Variants in DBNL observed in about 807,000 individuals in gnomAD.
DBNL encodes the protein drebrin like, also known as drebrin-like protein.
Under a neutral mutation model 62.2 loss-of-function variants are expected in DBNL, and 35 were observed. The ratio of observed to expected loss-of-function variants is 0.56; its 90% CI spans 0.43 to 0.75. DBNL has a LOEUF of 0.75. DBNL is among the 30% of genes least tolerant of loss of function. DBNL has a pLI of 0.00. For synonymous variants in DBNL, 197 were observed against 218.0 expected, an observed-to-expected ratio of 0.90 and a Z score of 0.85; for missense variants, 495 against 578.4, an observed-to-expected ratio of 0.86 and a Z score of 1.48.
Position 44,064,893 on chromosome 7 carries a change from GC to G in DBNL, c.*3979del, listed in dbSNP as rs747947171. On this transcript the variant is annotated 3_prime_UTR_variant, in exon 13 of 13. Coordinates refer to ENST00000448521, the MANE Select transcript of DBNL (RefSeq NM_001014436.3). ...CGTGGGCTGCAATGAGCACTCGCTT[GC>G]CGGCCTTGATCTGGGGAACAATCTC... is the stretch of plus-strand genomic sequence containing the variant. 61 of 1,604,146 alleles carry G rather than the reference GC, an allele frequency of 3.8e-5. No individual in the cohort carries two copies. Among genetic ancestry groups the G allele is most frequent in the Middle Eastern group, 3.3e-4 (2 of 5,998 alleles).
chr7:44,047,541 G>A (rs1229802941), intron 1 of DBNL, among the ~76,000 whole-genome samples: 1 of 152,186 alleles, frequency 6.6e-6, no homozygotes, highest in Non-Finnish European at 1.5e-5. Flanking sequence ...CTAATAGTAC[G>A]TTAGTGTTAG....
rs1585999980 is a variant in DBNL at position 44,063,082 on chromosome 7, G to A, written c.*2166G>A. ...ACGAGGCCACAGAAATGTTGCCAAA[G>A]GTCAAGGAGTAACTGAGTTAGACCA... On this transcript the variant is annotated 3_prime_UTR_variant, in exon 13 of 13. Transcript: ENST00000448521. 4.9e-6 allele frequency: 4 copies of A among 811,716 alleles called. No homozygotes were observed. The East Asian group carries it at 1.1e-4, about 22-fold the overall frequency. 50.3% of individuals were successfully genotyped at this position (811,716 alleles called of 1,614,324 possible).
Position 44,044,760 on chromosome 7 carries a change from A to G in DBNL, c.23A>G (p.Asn8Ser). 6.6e-7 allele frequency: 1 copy of G among 1,509,112 alleles called. No homozygotes were observed. The highest frequency in any genetic ancestry group is 8.8e-7 in the Non-Finnish European group (1 of 1,129,998). 93.5% of individuals were successfully genotyped at this position (1,509,112 alleles called of 1,614,324 possible). A position where few individuals can be genotyped will look rare whatever the true frequency, so the allele number is the denominator to read the frequency against. Reference protein sequence around the residue: MAANLSRNGPALQEAYVR... With the variant: MAANLSRSGPALQEAYVR... The stretch of plus-strand genomic sequence containing the variant: ...GCCATGGCGGCGAACCTGAGCCGGA[A>G]CGGGCCAGCGCTGCAAGAGGCCTAC... Residue 8 changes from asparagine (N) to serine (S), a missense_variant, in exon 1 of 13, where the codon AAC becomes AGC. Physicochemically the swap from Asn to Ser is conservative, Grantham distance 46 (BLOSUM62 1). Coordinates refer to ENST00000448521, the MANE Select transcript of DBNL (RefSeq NM_001014436.3).
intron 2 of DBNL, chr7:44,050,509 A>T: frequency 2.3e-6 from 1 of 439,252 alleles, no homozygotes; most frequent in Middle Eastern, 6.9e-4. Context: ...ACTTGGGGAG[A>T]GCTGAGAGGG....
chr7:44,052,323 T>C (rs1200233958), intron 3 of DBNL, among the ~76,000 whole-genome samples: 1 of 151,970 alleles, frequency 6.6e-6, no homozygotes, highest in East Asian at 1.9e-4. Flanking sequence ...AAGAAAACTC[T>C]TGAAGGCTGG....
chr7:44,063,273 TTTC>T lies in DBNL; in HGVS notation c.*2360_*2362del. 2 of 333,810 alleles carry T rather than the reference TTTC, an allele frequency of 6.0e-6. No homozygotes were observed. The highest frequency in any genetic ancestry group is 1.1e-5 in the Non-Finnish European group (2 of 176,290). The allele number at this position is 333,810 out of a possible 1,614,324, so 20.7% of individuals were successfully genotyped here. On this transcript the variant is annotated 3_prime_UTR_variant, in exon 13 of 13. Transcript: ENST00000448521. ...GGACACTCACCCTTTGTTTTTTTTT[TTTC>T]TTTTCTTTTTCTTTTTCTTTTTTTT...
At chr7:44,058,651 C>A in intron 8 of DBNL, 171 bp downstream of exon 8, 1 of 977,648 alleles carries the variant, frequency 1.0e-6, no homozygotes, top group Non-Finnish European at 1.5e-6. Flanking sequence ...AAGCCAAAGG[C>A]GGAAGCGTCG....
chr7:44,050,082 A>C, intron 1 of DBNL, 143 bp from the exon 2 acceptor site: 1 of 853,826 alleles, frequency 1.2e-6, no homozygotes, highest in East Asian at 2.8e-5. Flanking sequence ...GGGTCAGAGC[A>C]AAGTGAGAAC....
intron 1 of DBNL, 165 bp downstream of exon 1, chr7:44,044,985 C>A: frequency 3.3e-6 from 2 of 599,602 alleles, no homozygotes; most frequent in South Asian, 2.9e-5. Flanking sequence ...AGCAGGAGTG[C>A]TGTCTCACCC....
Position 44,067,688 on chromosome 7 carries a change from G to A in DBNL, c.*6772G>A, listed in dbSNP as rs1483865732. The stretch of plus-strand genomic sequence containing the variant: ...CACCCTCAGGGCCTCCATCCAGGAA[G>A]GCATAGCATGGTGGGCGGCGAGGAA... On this transcript the variant is annotated 3_prime_UTR_variant, in exon 13 of 13. Transcript: ENST00000448521. The A allele has an allele frequency of 6.6e-6, 1 of 152,338 alleles. No homozygotes were observed. Among genetic ancestry groups the A allele is most frequent in the Admixed American group, 6.5e-5 (1 of 15,278 alleles). 9.4% of individuals were successfully genotyped at this position (152,338 alleles called of 1,614,324 possible). A position where few individuals can be genotyped will look rare whatever the true frequency, so the allele number is the denominator to read the frequency against.
In DBNL at chr7:44,057,790, G is replaced by A; in HGVS notation, c.483G>A (p.Val161=). The A allele has an allele frequency of 1.2e-6, 2 of 1,614,208 alleles. No individual in the cohort carries two copies. The highest frequency in any genetic ancestry group is 1.7e-6 in the Non-Finnish European group (2 of 1,180,028). ...DVGPQAPVGS[V]YQKTNAVSEI... ...AGTGCTGTCCCCTACAGGGCTCTGT[G>A]TACCAGAAGACCAATGCCGTGTCTG... The change falls in exon 6 of 13, where the codon GTG becomes GTA. Residue 161 remains valine, a synonymous_variant. Coordinates refer to ENST00000448521, the MANE Select transcript of DBNL (RefSeq NM_001014436.3).
chr7:44,044,963 C>G, intron 1 of DBNL, 143 bp downstream of exon 1: 2 of 702,432 alleles, frequency 2.8e-6, no homozygotes, highest in Non-Finnish European at 4.3e-6. Flanking sequence ...CCTGTCTGCC[C>G]CTCCACACCG....
rs902075213 is a variant in DBNL, at chr7:44,061,052, G to A, written c.*136G>A. The A allele has an allele frequency of 5.8e-5, 72 of 1,248,860 alleles. No individual in the cohort carries two copies. Among genetic ancestry groups the A allele is most frequent in the Middle Eastern group, 2.6e-4 (1 of 3,900 alleles). The allele number at this position is 1,248,860 out of a possible 1,614,324, so 77.4% of individuals were successfully genotyped here. ...AGGATGAGGCCTCAGGGCTCCCTCC[G>A]GCTTGGCAGACTCAGCCTGTCACCC... On this transcript the variant is annotated 3_prime_UTR_variant, in exon 13 of 13. Coordinates refer to ENST00000448521, the MANE Select transcript of DBNL (RefSeq NM_001014436.3).
chr7:44,055,439 C>G (rs749049013), intron 4 of DBNL, among the ~76,000 whole-genome samples: 8 of 152,164 alleles, frequency 5.3e-5, no homozygotes, highest in African/African-American at 9.7e-5. Context: ...GCACTCCAGC[C>G]TGGGCAACAG....
Position 44,058,222 on chromosome 7 carries a change from G to A in DBNL, c.646G>A (p.Glu216Lys), listed in dbSNP as rs1418740333. ...GGAGCGCCGGGAGCGTGAGCTGCGT[G>A]AGGCTGCACGCCGGGAGCAGCGCTA... ...EQERRERELREAARREQRYQE... is the reference protein window; with the variant it reads ...EQERRERELRKAARREQRYQE... Residue 216 changes from glutamate (E) to lysine (K), a missense_variant, in exon 7 of 13, where the codon GAG (glutamate) becomes AAG (lysine). Transcript: ENST00000448521. 2 of 1,572,312 alleles carry A rather than the reference G, an allele frequency of 1.3e-6. No homozygotes were observed. Among genetic ancestry groups the A allele is most frequent in the South Asian group, 2.3e-5 (2 of 85,952 alleles).
rs1168541724 is a variant in DBNL at position 44,067,476 on chromosome 7, AC to A, written c.*6562del. 1.3e-5 allele frequency: 2 copies of A among 152,190 alleles called. No homozygotes were observed. The highest frequency in any genetic ancestry group is 3.9e-4 in the East Asian group (2 of 5,192). The allele number at this position is 152,190 out of a possible 1,614,324, so 9.4% of individuals were successfully genotyped here. ...CCAGACCTGGGAGACCTCACTGCCA[AC>A]CAAGCAGGAGGTGTCAAAAAGGAAA... On this transcript the variant is annotated 3_prime_UTR_variant, in exon 13 of 13. Transcript: ENST00000448521.
chr7:44,063,357 T>C lies in DBNL; in HGVS notation c.*2441T>C, dbSNP rs11768100. Reference sequence around the variant, plus strand: ...TGGAGTGCAGTGGCACGATCTTGGCTCACTGCAACCTCCATCTCCTGGGTT... The same window carrying C: ...TGGAGTGCAGTGGCACGATCTTGGCCCACTGCAACCTCCATCTCCTGGGTT... On this transcript the variant is annotated 3_prime_UTR_variant, in exon 13 of 13. Coordinates refer to ENST00000448521, the MANE Select transcript of DBNL (RefSeq NM_001014436.3). 0.17 allele frequency: 43,341 copies of C among 261,218 alleles called. 4,073 individuals carry two copies. Among genetic ancestry groups the C allele is most frequent in the African/African-American group, 0.24 (10,948 of 44,792 alleles). The allele number at this position is 261,218 out of a possible 1,614,324, so 16.2% of individuals were successfully genotyped here. A position where few individuals can be genotyped will look rare whatever the true frequency, so the allele number is the denominator to read the frequency against.
Position 44,059,925 on chromosome 7 carries a change from C to A in DBNL, c.1048-123C>A, listed in dbSNP as rs936304735. On this transcript the variant is annotated intron_variant, in intron 11 of 12. Coordinates refer to ENST00000448521, the MANE Select transcript of DBNL (RefSeq NM_001014436.3). This position sits in a 1 kb window ranked among gnomAD's most constrained non-coding sequence, Gnocchi z 4.1. ...TAGGGCGGGGACAGCAGCAGCCCAGCCCCCGAGCCTGTAGACTGCTTGCCC... is the reference window on the plus strand; with the variant it reads ...TAGGGCGGGGACAGCAGCAGCCCAGACCCCGAGCCTGTAGACTGCTTGCCC... 1.0e-6 allele frequency: 1 copy of A among 962,526 alleles called. No homozygotes were observed. Among genetic ancestry groups the A allele is most frequent in the Non-Finnish European group, 1.6e-6 (1 of 631,708 alleles). The allele number at this position is 962,526 out of a possible 1,614,324, so 59.6% of individuals were successfully genotyped here. A position where few individuals can be genotyped will look rare whatever the true frequency, so the allele number is the denominator to read the frequency against.
chr7:44,063,131 T>G lies in DBNL; in HGVS notation c.*2215T>G, dbSNP rs2096152283. ...CAAGCAGCCTACAGAAATAGCCCAG[T>G]GGTGAAAAAAATGGGGACTTCAGCC... On this transcript the variant is annotated 3_prime_UTR_variant, in exon 13 of 13. Transcript: ENST00000448521. 1.6e-6 allele frequency: 1 copy of G among 613,794 alleles called. No individual in the cohort carries two copies. Among genetic ancestry groups the G allele is most frequent in the Non-Finnish European group, 2.9e-6 (1 of 341,394 alleles). 38.0% of individuals were successfully genotyped at this position (613,794 alleles called of 1,614,324 possible). A position where few individuals can be genotyped will look rare whatever the true frequency, so the allele number is the denominator to read the frequency against.
Sources: allele counts gnomAD v4.1 joint callset (sites outside exome capture counted in the v4.1 genomes callset), GRCh38; gene constraint gnomAD v4.1.1; non-coding constraint Gnocchi (gnomAD v3.1); transcripts MANE v1.5; gene names NCBI Gene and HGNC (gene_info 2026-07-23, HGNC 2026-07-21).